FGD6: variants seen among roughly 807,000 people sequenced by gnomAD.
FGD6 encodes FYVE, RhoGEF and PH domain containing 6.
A neutral mutation model predicts 149.4 loss-of-function variants in FGD6; 90 were observed. The observed-to-expected ratio is 0.60, with a 90% CI of 0.51 to 0.72. The LOEUF (loss-of-function observed/expected upper bound fraction) is 0.72. Ranked by LOEUF, FGD6 falls within the 30% of genes least tolerant of loss-of-function variation. FGD6 has a pLI of 0.00. For missense variants in FGD6, 1,437 were observed against 1,684.8 expected (o/e 0.85, Z 2.57); for synonymous variants, 527 against 584.0 (o/e 0.90, Z 1.41).
chr12:95,213,668 T>C (rs1318635749), intron 1 of FGD6, among the ~76,000 whole-genome samples: 2 of 152,178 alleles, frequency 1.3e-5, no homozygotes, highest in Non-Finnish European at 2.9e-5. Context: ...CTGGTACCAA[T>C]TTTACTCTTT....
rs1877665010 is a variant in FGD6, at chr12:95,081,336, CAT to C, written c.*182_*183del. The C allele has an allele frequency of 1.2e-5, 5 of 425,216 alleles. No individual in the cohort carries two copies. In the South Asian group the frequency reaches 2.1e-4, roughly 18 times the overall value. 26.3% of individuals were successfully genotyped at this position (425,216 alleles called of 1,614,324 possible). A position where few individuals can be genotyped will look rare whatever the true frequency, so the allele number is the denominator to read the frequency against. On this transcript the variant is annotated 3_prime_UTR_variant, in exon 21 of 21. Transcript: ENST00000343958. ...TAAACATCAAAATTTTAATAAATAA[CAT>C]AAATGAAAAAACAAACACCTTTTAA...
chr12:95,113,284 G>A (rs974763608), intron 9 of FGD6, among the ~76,000 whole-genome samples: 11 of 146,422 alleles, frequency 7.5e-5, no homozygotes, highest in Non-Finnish European at 1.2e-4. Flanking sequence ...CCAGGCTGGA[G>A]TGCAGTGGCG....
intron 14 of FGD6, among the ~76,000 whole-genome samples, chr12:95,098,549 C>G (rs1878316243): frequency 6.6e-6 from 1 of 152,150 alleles, no homozygotes; most frequent in African/African-American, 2.4e-5. Flanking sequence ...TTCCAATTCT[C>G]TGAATATGTC....
At chr12:95,110,213 T>C (rs892202728) in intron 9 of FGD6, among the ~76,000 whole-genome samples, 3 of 152,124 alleles carry the variant, frequency 2.0e-5, no homozygotes, top group Admixed American at 1.3e-4. Flanking sequence ...CCTGACCTCG[T>C]GATCCGCCCG....
intron 3 of FGD6, among the ~76,000 whole-genome samples, chr12:95,172,204 C>T (rs73223692): frequency 0.09 from 13,714 of 152,066 alleles, 809 homozygotes; most frequent in African/African-American, 0.16. Context: ...AGTGAAACCC[C>T]GTCTCTACTA....
At position 95,209,622 on chromosome 12, in the gene FGD6, G is replaced by A. The variant is rs759986794; in HGVS notation, c.1662C>T (p.Ser554=). ...LCAQNRGVSS[S]FDMPKRASEK... is the part of the protein sequence containing the mutation. ...CTGAAGCCCGTTTAGGCATATCAAA[G>A]GAGGATGACACACCACGGTTTTGGG... Residue 554 remains serine, a synonymous_variant, in exon 2 of 21, where the codon TCC becomes TCT. Transcript: ENST00000343958. 2.5e-6 allele frequency: 4 copies of A among 1,613,674 alleles called. No individual in the cohort carries two copies. Among genetic ancestry groups the A allele is most frequent in the East Asian group, 4.5e-5 (2 of 44,902 alleles).
chr12:95,099,406 A>T (rs1428855102), intron 14 of FGD6, among the ~76,000 whole-genome samples: 1 of 152,116 alleles, frequency 6.6e-6, no homozygotes, highest in African/African-American at 2.4e-5. Context: ...CTCCTTACCC[A>T]CTTTAATATG....
rs985799201 is a variant in FGD6 at position 95,092,841 on chromosome 12, T to C, written c.3605A>G (p.Asp1202Gly). 1 of 1,609,370 alleles carries C rather than the reference T, an allele frequency of 6.2e-7. No homozygotes were observed. The highest frequency in any genetic ancestry group is 8.5e-7 in the Non-Finnish European group (1 of 1,177,736). The stretch of plus-strand genomic sequence containing the variant: ...ACTAACTTCTTCTTTATTTTCTGAG[T>C]CTGCCTGTGGAAGAAGAACAACTTC... ...FCPSRSLDEA[D>G]SENKEEVSPL... Residue 1202 changes from aspartate to glycine, a missense_variant, in exon 16 of 21, where the codon GAC becomes GGC. By Grantham distance (94) the Asp-to-Gly change is moderately conservative. Around this residue, in one of 2 missense-constraint regions of FGD6, gnomAD observed 382 missense variants for 538.7 expected, o/e 0.71. Transcript: ENST00000343958.
chr12:95,113,231 CTTT>C (rs11343496), intron 9 of FGD6, among the ~76,000 whole-genome samples: 13 of 109,626 alleles, frequency 1.2e-4, no homozygotes, highest in Non-Finnish European at 1.1e-4. Context: ...GGCCTCAAGT[CTTT>C]TTTTTTTTTT....
At chr12:95,102,027 A>T (rs1714628992) in intron 14 of FGD6, among the ~76,000 whole-genome samples, 1 of 150,204 alleles carries the variant, frequency 6.7e-6, no homozygotes, top group Admixed American at 6.7e-5. Flanking sequence ...CTCAAAAACG[A>T]AAAAAGGGCT....
Position 95,209,212 on chromosome 12 carries a change from T to C in FGD6, c.2072A>G (p.Tyr691Cys). The part of the protein sequence containing the change: ...EEKRSKPIKA[Y>C]STENYSLESQ... ...TTCCAGGCTATAGTTTTCTGTGGAA[T>C]ATGCCTTGATGGGTTTACTTCTCTT... The change falls in exon 2 of 21, where the codon TAT becomes TGT. Residue 691 changes from tyrosine to cysteine, a missense_variant. Physicochemically the swap from Tyr to Cys is radical, Grantham distance 194. Transcript: ENST00000343958. 2 of 1,614,134 alleles carry C rather than the reference T, an allele frequency of 1.2e-6. No individual in the cohort carries two copies. The highest frequency in any genetic ancestry group is 1.7e-6 in the Non-Finnish European group (2 of 1,180,016).
chr12:95,185,219 T>C (rs1474687943), intron 2 of FGD6, among the ~76,000 whole-genome samples: 1 of 152,174 alleles, frequency 6.6e-6, no homozygotes, highest in African/African-American at 2.4e-5. Flanking sequence ...ACCAGTTACA[T>C]TGCTGACTAG....
chr12:95,175,799 C>CAAAAAAAAAAAAA (rs61051041), intron 2 of FGD6, among the ~76,000 whole-genome samples: 11 of 38,806 alleles, frequency 2.8e-4, no homozygotes, highest in East Asian at 1.3e-3. Flanking sequence ...GACTCTGTCT[C>CAAAAAAAAAAAAA]AAAAAAAAAA....
chr12:95,110,633 G>C (rs1033958640), intron 9 of FGD6, among the ~76,000 whole-genome samples: 5 of 152,184 alleles, frequency 3.3e-5, no homozygotes, highest in Admixed American at 3.3e-4. Context: ...TGGGATTACA[G>C]GTGTGAGCCA....
chr12:95,190,286 C>T (rs1170217013), intron 2 of FGD6, among the ~76,000 whole-genome samples: 2 of 152,182 alleles, frequency 1.3e-5, no homozygotes, highest in Admixed American at 1.3e-4. Context: ...TATCCTGCTT[C>T]AGCCTCCCGA....
At chr12:95,087,901 A>G (rs1877930246) in intron 18 of FGD6, among the ~76,000 whole-genome samples, 1 of 152,160 alleles carries the variant, frequency 6.6e-6, no homozygotes, top group Non-Finnish European at 1.5e-5. Context: ...ATTTTTTAAA[A>G]AACTAGAATT....
intron 2 of FGD6, among the ~76,000 whole-genome samples, chr12:95,183,803 A>G (rs969548617): frequency 1.3e-5 from 2 of 152,174 alleles, no homozygotes; most frequent in African/African-American, 4.8e-5. Flanking sequence ...GTGCCACTGC[A>G]CTCAGGCTGG....
chr12:95,145,710 C>A (rs1879993939), intron 5 of FGD6, among the ~76,000 whole-genome samples: 1 of 152,090 alleles, frequency 6.6e-6, no homozygotes, highest in South Asian at 2.1e-4. Context: ...TGGAGTTTTG[C>A]TCTGTCGTCC....
At position 95,217,302 on chromosome 12, in the gene FGD6, A is replaced by G. The variant is rs975793756; in HGVS notation, c.-62T>C. Reference sequence around the variant, plus strand: ...TCAATCCATCTTCCCCTTTCAGTCCATTGTTCCCACAGTTCGGGTAGGAGA... The same window carrying G: ...TCAATCCATCTTCCCCTTTCAGTCCGTTGTTCCCACAGTTCGGGTAGGAGA... On this transcript the variant is annotated 5_prime_UTR_variant, in exon 1 of 21. An upstream start codon of the reference 5' UTR is lost. Transcript: ENST00000343958. 6 of 1,565,470 alleles carry G rather than the reference A, an allele frequency of 3.8e-6. No individual in the cohort carries two copies. Among genetic ancestry groups the G allele is most frequent in the African/African-American group, 2.7e-5 (2 of 72,816 alleles).
Sources: gnomAD v4.1 joint callset for allele counts (sites outside exome capture counted in the v4.1 genomes callset) on GRCh38, gnomAD v4.1.1 for gene constraint, gnomAD v4.1.1 regional missense constraint, MANE v1.5 for transcripts, NCBI Gene and HGNC (gene_info 2026-07-23, HGNC 2026-07-21) for gene names.